Variants in LINGO2 observed in about 807,000 individuals in gnomAD.
The protein encoded by LINGO2 is leucine-rich repeat and immunoglobulin-like domain-containing nogo receptor-interacting protein 2.
LINGO2 carries 14 observed loss-of-function variants against 30.6 expected under a neutral mutation model. The ratio of observed to expected loss-of-function variants is 0.46; its 90% CI spans 0.30 to 0.72. The LOEUF (loss-of-function observed/expected upper bound fraction) is 0.72, where lower values mean the gene tolerates loss of function less well. Ranked by LOEUF, LINGO2 falls within the 30% of genes least tolerant of loss-of-function variation. The probability of loss-of-function intolerance (pLI) is 0.07; values close to 1 mark genes in which losing one functional copy is unlikely to be tolerated. For synonymous variants in LINGO2, 317 were observed against 288.5 expected (o/e 1.10, Z -1.00); for missense variants, 729 against 751.7 (o/e 0.97, Z 0.35).
chr9:28,374,106 G>A (rs922050586), intron 2 of LINGO2, among the ~76,000 whole-genome samples: 27 of 151,496 alleles, frequency 1.8e-4, no homozygotes, highest in African/African-American at 6.5e-4. Context: ...TATAGACGAA[G>A]GACATGAGGC....
chr9:28,097,151 A>G (rs983627020), intron 4 of LINGO2, among the ~76,000 whole-genome samples: 9 of 152,096 alleles, frequency 5.9e-5, no homozygotes, highest in African/African-American at 1.9e-4. Context: ...TCTCACACCA[A>G]TTAGAATGGC....
chr9:29,061,624 T>C, the LINGO2 span, among the ~76,000 whole-genome samples: 3 of 152,004 alleles, frequency 2.0e-5, no homozygotes, highest in African/African-American at 7.2e-5. Flanking sequence ...GAACTGGTTA[T>C]CCACACGCAA....
At chr9:28,870,986 A>C in the LINGO2 span, among the ~76,000 whole-genome samples, 3 of 151,942 alleles carry the variant, frequency 2.0e-5, no homozygotes, top group African/African-American at 7.2e-5. Context: ...AAATGTCAAA[A>C]TTTCAAAATG....
At chr9:29,153,723 A>G in the LINGO2 span, among the ~76,000 whole-genome samples, 3 of 152,208 alleles carry the variant, frequency 2.0e-5, no homozygotes, top group African/African-American at 7.2e-5. Context: ...AAACTGAGGA[A>G]ATATAAATCT....
the LINGO2 span, among the ~76,000 whole-genome samples, chr9:28,932,983 T>C: frequency 6.6e-6 from 1 of 152,068 alleles, no homozygotes; most frequent in Non-Finnish European, 1.5e-5. Flanking sequence ...TTCCACTCAC[T>C]GCAAACTCCA....
At chr9:29,013,581 C>T in the LINGO2 span, among the ~76,000 whole-genome samples, 1 of 152,102 alleles carries the variant, frequency 6.6e-6, no homozygotes, top group African/African-American at 2.4e-5. Context: ...AAACATAATA[C>T]TATGAGGATT....
chr9:28,676,426 A>G, the LINGO2 span, among the ~76,000 whole-genome samples: 3 of 152,174 alleles, frequency 2.0e-5, no homozygotes, highest in East Asian at 3.9e-4. Context: ...GACTCTCTCT[A>G]TACATGCCAC....
At chr9:28,400,749 G>T (rs1822229766) in intron 2 of LINGO2, among the ~76,000 whole-genome samples, 1 of 152,144 alleles carries the variant, frequency 6.6e-6, no homozygotes, top group South Asian at 2.1e-4. Flanking sequence ...AAAGCTTAAT[G>T]CAGGTGCAGG....
At position 28,337,166 on chromosome 9, in the gene LINGO2, T is replaced by G. The variant is rs151175474; in HGVS notation, c.-246+35670A>C. ...AGTGTTATATTTTATAGAATAATAG[T>G]AGAATTATGAGAAAAACACTTTCTC... On this transcript the variant is annotated intron_variant, in intron 3 of 5. Transcript: ENST00000379992. Among the ~76,000 whole-genome samples the G allele has an allele frequency of 2.9e-3, 438 of 150,756 alleles. 5 individuals carry two copies. Among genetic ancestry groups the G allele is most frequent in the Non-Finnish European group, 3.4e-3 (227 of 67,686 alleles).
intron 1 of LINGO2, among the ~76,000 whole-genome samples, chr9:28,652,607 T>G (rs1828153182): frequency 6.6e-6 from 1 of 151,922 alleles, no homozygotes; most frequent in African/African-American, 2.4e-5. Context: ...TGTTGCTTCT[T>G]AAGAAACTAA....
At chr9:28,308,193 A>G (rs1432025336) in intron 3 of LINGO2, among the ~76,000 whole-genome samples, 1 of 128,728 alleles carries the variant, frequency 7.8e-6, no homozygotes, top group Non-Finnish European at 1.8e-5. Context: ...CTACAAGGCT[A>G]CAGTAACCAA....
chr9:28,023,944 C>T lies in LINGO2; in HGVS notation c.-86-11539G>A, dbSNP rs76418211. On this transcript the variant is annotated intron_variant, in intron 4 of 5. Transcript: ENST00000379992. ...TTCTACCCATTTATGGTTCCAGTAG[C>T]ATCTGTCCAGGGAAGCGAATTTCAT... Among the ~76,000 whole-genome samples the T allele has an allele frequency of 9.6e-3, 1,463 of 152,268 alleles. 9 individuals are homozygous for T. The highest frequency in any genetic ancestry group is 0.024 in the South Asian group (116 of 4,824).
the LINGO2 span, among the ~76,000 whole-genome samples, chr9:29,034,156 TA>T: frequency 6.6e-6 from 1 of 152,144 alleles, no homozygotes; most frequent in Non-Finnish European, 1.5e-5. Flanking sequence ...AATGCATGGA[TA>T]AATGAATGTA....
chr9:28,443,399 G>T (rs1240914246), intron 2 of LINGO2, among the ~76,000 whole-genome samples: 1 of 152,290 alleles, frequency 6.6e-6, no homozygotes, highest in South Asian at 2.1e-4. Context: ...ACAGGCGGGA[G>T]CCCTGACCCC....
At chr9:28,557,218 A>C (rs1351865077) in intron 1 of LINGO2, among the ~76,000 whole-genome samples, 1 of 152,038 alleles carries the variant, frequency 6.6e-6, no homozygotes, top group Non-Finnish European at 1.5e-5. Context: ...CAACCTACAA[A>C]ATGGGAGAAA....
At chr9:28,756,566 G>A in the LINGO2 span, among the ~76,000 whole-genome samples, 1 of 151,934 alleles carries the variant, frequency 6.6e-6, no homozygotes, top group Admixed American at 6.5e-5. Context: ...GTTTGGCTCG[G>A]TGTCCCAAAC....
chr9:28,502,922 C>T (rs1161009981), intron 1 of LINGO2, among the ~76,000 whole-genome samples: 5 of 152,054 alleles, frequency 3.3e-5, no homozygotes, highest in African/African-American at 1.2e-4. Context: ...GGCAAAGCCT[C>T]CTTAATAGTT....
At chr9:27,996,045 A>G (rs919806920) in intron 5 of LINGO2, among the ~76,000 whole-genome samples, 2 of 152,184 alleles carry the variant, frequency 1.3e-5, no homozygotes, top group Non-Finnish European at 2.9e-5. Context: ...AATGCTCACC[A>G]TCATTACTCA....
the LINGO2 span, among the ~76,000 whole-genome samples, chr9:28,996,000 C>T: frequency 3.7e-4 from 52 of 139,074 alleles, no homozygotes; most frequent in African/African-American, 1.3e-3. Context: ...TGCACATGTA[C>T]CCTAAAACTT....
Sources: allele counts gnomAD v4.1 joint callset (sites outside exome capture counted in the v4.1 genomes callset), GRCh38; gene constraint gnomAD v4.1.1; transcripts MANE v1.5; gene names NCBI Gene and HGNC (gene_info 2026-07-23, HGNC 2026-07-21).